KCNIP1: variants seen among roughly 807,000 people sequenced by gnomAD.
KCNIP1 encodes the protein potassium voltage-gated channel interacting protein 1, also known as A-type potassium channel modulatory protein KCNIP1.
KCNIP1 carries 18 observed loss-of-function variants against 33.0 expected under a neutral mutation model. The observed-to-expected ratio is 0.55, with a 90% confidence interval of 0.38 to 0.81. The LOEUF (loss-of-function observed/expected upper bound fraction) is 0.81, where lower values mean the gene tolerates loss of function less well. Among genes scored for constraint, KCNIP1 ranks in the 30% least tolerant of loss-of-function variants. KCNIP1 has a pLI of 0.00. For synonymous variants in KCNIP1, 93 were observed against 98.3 expected (o/e 0.95, Z 0.32); for missense variants, 238 against 271.6 (o/e 0.88, Z 0.87).
intron 1 of KCNIP1, among the ~76,000 whole-genome samples, chr5:170,540,399 GGTT>G (rs1756155889): frequency 6.6e-6 from 1 of 152,194 alleles, no homozygotes; most frequent in Non-Finnish European, 1.5e-5. Flanking sequence ...ACAGCCCTGA[GGTT>G]GTCAGACAAT....
At chr5:170,572,454 G>T (rs1354425358) in intron 1 of KCNIP1, among the ~76,000 whole-genome samples, 1 of 152,170 alleles carries the variant, frequency 6.6e-6, no homozygotes, top group Non-Finnish European at 1.5e-5. Flanking sequence ...CGCTCACAGT[G>T]CTTTCTTGAA....
intron 1 of KCNIP1, among the ~76,000 whole-genome samples, chr5:170,674,954 A>G (rs1348816973): frequency 6.8e-6 from 1 of 146,948 alleles, no homozygotes; most frequent in Non-Finnish European, 1.5e-5. Flanking sequence ...TTGTAGCTAG[A>G]TGCACAGAGG....
intron 1 of KCNIP1, among the ~76,000 whole-genome samples, chr5:170,557,286 C>G (rs1756875280): frequency 6.6e-6 from 1 of 152,184 alleles, no homozygotes; most frequent in Non-Finnish European, 1.5e-5. Flanking sequence ...TAGCCAGTAT[C>G]CAGGCATGGT....
chr5:170,541,983 C>T (rs35877186), intron 1 of KCNIP1, among the ~76,000 whole-genome samples: 13,362 of 152,248 alleles, frequency 0.088, 758 homozygotes, highest in Middle Eastern at 0.2. Context: ...GTAGTAATAT[C>T]ATCTACAGAG....
chr5:170,687,264 C>T (rs2113807600), intron 1 of KCNIP1, among the ~76,000 whole-genome samples: 1 of 152,034 alleles, frequency 6.6e-6, no homozygotes, highest in Non-Finnish European at 1.5e-5. Context: ...TCACTGCAAC[C>T]TCCGCCTCCC....
chr5:170,490,562 G>T (rs1428005248), intron 1 of KCNIP1, among the ~76,000 whole-genome samples: 1 of 152,164 alleles, frequency 6.6e-6, no homozygotes, highest in African/African-American at 2.4e-5. Flanking sequence ...CTTTGACATT[G>T]TCCTGTGGTT....
chr5:170,722,795 A>G lies in KCNIP1; in HGVS notation c.410A>G (p.Asn137Ser), dbSNP rs765146211. 1 of 1,613,190 alleles carries G rather than the reference A, an allele frequency of 6.2e-7. No homozygotes were observed. Among genetic ancestry groups the G allele is most frequent in the East Asian group, 2.2e-5 (1 of 44,878 alleles). Reference sequence around the variant, plus strand: ...TGGACATTTAATTTGTATGACATCAACAAGGACGGATACATAAACAAAGAG... The same window carrying G: ...TGGACATTTAATTTGTATGACATCAGCAAGGACGGATACATAAACAAAGAG... Reference protein sequence around the residue: ...LRWTFNLYDINKDGYINKEEM... With the variant: ...LRWTFNLYDISKDGYINKEEM... Residue 137 changes from asparagine (N) to serine (S), a missense_variant, in exon 5 of 8, where the codon AAC becomes AGC. Coordinates refer to ENST00000328939, the MANE Select transcript of KCNIP1 (RefSeq NM_014592.4).
chr5:170,360,636 C>G (rs139938990), intron 1 of KCNIP1, among the ~76,000 whole-genome samples: 1 of 152,228 alleles, frequency 6.6e-6, no homozygotes, highest in African/African-American at 2.4e-5. Flanking sequence ...AATTATCCCC[C>G]CTGCCCCCAG....
rs368400853 is a variant in KCNIP1, at chr5:170,732,794, C to T, written c.436-6C>T. On this transcript the variant is annotated splice_polypyrimidine_tract_variant and splice_region_variant and intron_variant, in intron 5 of 7. Coordinates refer to ENST00000328939, the MANE Select transcript of KCNIP1 (RefSeq NM_014592.4). ...CACACTGTGTGCTTTTATGTCCCTG[C>T]TCCAGGAGATGATGGACATTGTCAA... 2.0e-5 allele frequency: 31 copies of T among 1,587,992 alleles called. No individual in the cohort carries two copies. The highest frequency in any genetic ancestry group is 2.2e-5 in the Non-Finnish European group (26 of 1,156,438).
chr5:170,591,070 G>T (rs1758236586), intron 1 of KCNIP1, among the ~76,000 whole-genome samples: 1 of 152,250 alleles, frequency 6.6e-6, no homozygotes, highest in Non-Finnish European at 1.5e-5. Flanking sequence ...CAACCACCAT[G>T]CCCATGGAGC....
intron 1 of KCNIP1, among the ~76,000 whole-genome samples, chr5:170,419,598 C>G (rs373899935): frequency 6.6e-6 from 1 of 152,184 alleles, no homozygotes. Flanking sequence ...ATCTCTGAGT[C>G]GTATGATCAT....
At chr5:170,648,080 A>G (rs1242652034) in intron 1 of KCNIP1, among the ~76,000 whole-genome samples, 1 of 152,238 alleles carries the variant, frequency 6.6e-6, no homozygotes, top group Non-Finnish European at 1.5e-5. Flanking sequence ...ATGAGATGCC[A>G]CTACAGAACT....
At chr5:170,671,001 C>T (rs1217604114) in intron 1 of KCNIP1, among the ~76,000 whole-genome samples, 2 of 152,000 alleles carry the variant, frequency 1.3e-5, no homozygotes, top group Admixed American at 6.5e-5. Context: ...GGAAGTCTCC[C>T]CACCTCTCTG....
At chr5:170,617,522 C>T (rs950981361) in intron 1 of KCNIP1, among the ~76,000 whole-genome samples, 1 of 152,202 alleles carries the variant, frequency 6.6e-6, no homozygotes, top group African/African-American at 2.4e-5. Flanking sequence ...TTACAAATTA[C>T]AGCAGACAGA....
At chr5:170,677,237 C>T (rs1368298667) in intron 1 of KCNIP1, among the ~76,000 whole-genome samples, 1 of 152,164 alleles carries the variant, frequency 6.6e-6, no homozygotes, top group East Asian at 1.9e-4. Flanking sequence ...AACTTAGGCA[C>T]AGAGAAGTTA....
chr5:170,530,313 C>T (rs767107648), intron 1 of KCNIP1, among the ~76,000 whole-genome samples: 10 of 152,312 alleles, frequency 6.6e-5, no homozygotes, highest in Non-Finnish European at 8.8e-5. Flanking sequence ...TAATAGTCAA[C>T]ATGTCAGGTA....
chr5:170,522,313 G>T, intron 1 of KCNIP1, among the ~76,000 whole-genome samples: 1 of 152,224 alleles, frequency 6.6e-6, no homozygotes. Context: ...AGAGCCTGTT[G>T]CCATTAAACA....
chr5:170,422,312 A>C (rs1755514078), intron 1 of KCNIP1: 2 of 152,216 alleles, frequency 1.3e-5, no homozygotes, highest in South Asian at 4.1e-4. Context: ...TGTCTCTGTC[A>C]CACTGCTTCT....
upstream of KCNIP1, among the ~76,000 whole-genome samples, chr5:170,502,314 C>A (rs957261254): frequency 6.6e-6 from 1 of 152,182 alleles, no homozygotes; most frequent in Non-Finnish European, 1.5e-5. Context: ...TGCAGAAAAG[C>A]AATAAATGCT....
Sources: allele counts gnomAD v4.1 joint callset (sites outside exome capture counted in the v4.1 genomes callset), GRCh38; gene constraint gnomAD v4.1.1; transcripts MANE v1.5; gene names NCBI Gene and HGNC (gene_info 2026-07-23, HGNC 2026-07-21).